Variants in DPH6 observed in about 807,000 individuals in gnomAD.
DPH6 encodes diphthamine biosynthesis 6, also known as diphthine--ammonia ligase.
Under a neutral mutation model 38.2 loss-of-function variants are expected in DPH6, and 33 were observed. The ratio of observed to expected loss-of-function variants is 0.86; its 90% confidence interval spans 0.65 to 1.15. The LOEUF is 1.15. DPH6 is among the 50% of genes most tolerant of loss of function. DPH6 has a pLI of 0.00. For synonymous variants in DPH6, 108 were observed against 103.0 expected (o/e 1.05, Z -0.30); for missense variants, 325 against 320.0 (o/e 1.02, Z -0.12).
chr15:35,163,747 A>G, the DPH6 span, among the ~76,000 whole-genome samples: 3 of 151,850 alleles, frequency 2.0e-5, no homozygotes, highest in Non-Finnish European at 4.4e-5. Flanking sequence ...ACTACCTTGT[A>G]ATGACATGCT....
chr15:35,186,252 C>T, the DPH6 span, among the ~76,000 whole-genome samples: 2 of 152,032 alleles, frequency 1.3e-5, no homozygotes, highest in African/African-American at 4.8e-5. Flanking sequence ...TCAAAGAAAA[C>T]CTGGGGAGGG....
the DPH6 span, among the ~76,000 whole-genome samples, chr15:35,155,739 A>G: frequency 1.3e-5 from 2 of 152,330 alleles, no homozygotes; most frequent in South Asian, 4.1e-4. Context: ...ATACAGTTCA[A>G]TCTTATTTGA....
At chr15:35,165,808 T>C in the DPH6 span, among the ~76,000 whole-genome samples, 1 of 151,932 alleles carries the variant, frequency 6.6e-6, no homozygotes, top group Non-Finnish European at 1.5e-5. Context: ...CAACCGAAAT[T>C]TCACGACGGC....
At chr15:35,444,024 C>G (rs975644907) in intron 5 of DPH6, among the ~76,000 whole-genome samples, 4 of 152,120 alleles carry the variant, frequency 2.6e-5, no homozygotes, top group African/African-American at 9.7e-5. Flanking sequence ...CCAAGACCAT[C>G]AGAACAGCTC....
downstream of DPH6, among the ~76,000 whole-genome samples, chr15:35,328,629 T>C (rs927899081): frequency 6.6e-6 from 1 of 152,152 alleles, no homozygotes; most frequent in Non-Finnish European, 1.5e-5. Flanking sequence ...AAAAAGATAA[T>C]GTGAAATTAT....
At chr15:35,257,237 T>C (rs529519580) in intron 3 of DPH6, among the ~76,000 whole-genome samples, 11 of 152,316 alleles carry the variant, frequency 7.2e-5, no homozygotes, top group African/African-American at 2.4e-4. Context: ...GTAAGTCACT[T>C]CTTAGGAACA....
chr15:35,542,663 C>A (rs1451004305), intron 1 of DPH6, among the ~76,000 whole-genome samples, 156 bp from the exon 2 acceptor site: 1 of 151,400 alleles, frequency 6.6e-6, no homozygotes, highest in Non-Finnish European at 1.5e-5. Flanking sequence ...CATAAACAAA[C>A]TGAGCAACCG....
chr15:35,153,385 A>C, the DPH6 span, among the ~76,000 whole-genome samples: 1 of 152,082 alleles, frequency 6.6e-6, no homozygotes, highest in South Asian at 2.1e-4. Flanking sequence ...TTTATTGCCT[A>C]AGATTCAGTA....
chr15:35,285,216 T>C (rs549489866), intron 3 of DPH6, among the ~76,000 whole-genome samples: 1 of 152,286 alleles, frequency 6.6e-6, no homozygotes, highest in South Asian at 2.1e-4. Context: ...TTTCTTCCTA[T>C]TTTCCAGTAC....
chr15:35,545,779 C>T (rs1348572678), intron 1 of DPH6, among the ~76,000 whole-genome samples: 4 of 152,056 alleles, frequency 2.6e-5, no homozygotes. Flanking sequence ...AAAAAAAAAT[C>T]AGACGCCGGG....
At chr15:35,501,049 A>T (rs780800112) in intron 3 of DPH6, among the ~76,000 whole-genome samples, 7 of 152,090 alleles carry the variant, frequency 4.6e-5, no homozygotes, top group Non-Finnish European at 7.4e-5. Context: ...CCAATAATTA[A>T]TTTTTAACAT....
chr15:35,230,316 A>G (rs1470962731), intron 3 of DPH6, among the ~76,000 whole-genome samples: 1 of 152,158 alleles, frequency 6.6e-6, no homozygotes, highest in Non-Finnish European at 1.5e-5. Flanking sequence ...TCAGACCCAC[A>G]AGGTATAGTG....
chr15:35,234,606 T>A (rs948751835), intron 3 of DPH6, among the ~76,000 whole-genome samples: 1 of 152,376 alleles, frequency 6.6e-6, no homozygotes, highest in East Asian at 1.9e-4. Context: ...GACATTTGAA[T>A]AATATTGACT....
the DPH6 span, among the ~76,000 whole-genome samples, chr15:35,192,623 T>A: frequency 2.6e-5 from 4 of 152,172 alleles, no homozygotes; most frequent in Middle Eastern, 3.2e-3. Flanking sequence ...ATCCAAGTTA[T>A]TTGGAATCAA....
At chr15:35,328,497 T>G (rs1045591951), downstream of DPH6, among the ~76,000 whole-genome samples, 6 of 152,062 alleles carry the variant, frequency 3.9e-5, no homozygotes, top group Non-Finnish European at 8.8e-5. Flanking sequence ...TGACACAGAG[T>G]AGGTGCTTTA....
At chr15:35,458,349 A>G (rs961655750) in intron 3 of DPH6, among the ~76,000 whole-genome samples, 1 of 152,160 alleles carries the variant, frequency 6.6e-6, no homozygotes, top group African/African-American at 2.4e-5. Flanking sequence ...AACCCTTGAC[A>G]CGCAACTCTA....
chr15:35,255,861 C>T (rs2051704689), intron 3 of DPH6, among the ~76,000 whole-genome samples: 1 of 151,976 alleles, frequency 6.6e-6, no homozygotes, highest in South Asian at 2.1e-4. Flanking sequence ...TTATTTTCAT[C>T]TTTGTCCAAC....
At chr15:35,340,625 T>C (rs959360082) in intron 3 of DPH6, among the ~76,000 whole-genome samples, 1 of 152,156 alleles carries the variant, frequency 6.6e-6, no homozygotes, top group East Asian at 1.9e-4. Flanking sequence ...CTTATTTCTC[T>C]TTTGCTTATG....
chr15:35,319,215 A>C (rs1485098438), intron 3 of DPH6, among the ~76,000 whole-genome samples: 1 of 152,192 alleles, frequency 6.6e-6, no homozygotes. Flanking sequence ...ATTCTGAAAA[A>C]TAAACCAAAT....
Sources: allele counts gnomAD v4.1 joint callset (sites outside exome capture counted in the v4.1 genomes callset), GRCh38; gene constraint gnomAD v4.1.1; transcripts MANE v1.5; gene names NCBI Gene and HGNC (gene_info 2026-07-23, HGNC 2026-07-21).